SGSM2: variants seen among roughly 807,000 people sequenced by gnomAD.
The protein encoded by SGSM2 is RUN and TBC1 domain containing 1.
Under a neutral mutation model 126.6 loss-of-function variants are expected in SGSM2, and 89 were observed. That is an observed-to-expected ratio of 0.70 (90% CI 0.59 to 0.84). The LOEUF (loss-of-function observed/expected upper bound fraction) is 0.84. Ranked by LOEUF, SGSM2 falls within the 40% of genes least tolerant of loss-of-function variation. SGSM2 has a pLI of 0.00. For synonymous variants in SGSM2, 614 were observed against 574.3 expected (o/e 1.07, Z -0.99); for missense variants, 1,404 against 1,416.6 (o/e 0.99, Z 0.14).
rs1447078645 is a variant in SGSM2, at chr17:2,337,794, G to C, written c.57+49G>C. The stretch of plus-strand genomic sequence containing the variant: ...GGGGGCTCGCGCCCTGGCCCGCGCG[G>C]CCCAGGGGGCAGAAAGGTCCGCGCC... On this transcript the variant is annotated intron_variant, in intron 1 of 23. Coordinates refer to ENST00000268989, the MANE Select transcript of SGSM2 (RefSeq NM_014853.3). The surrounding 1 kb of genome is among the most constrained non-coding windows in gnomAD (Gnocchi z 5.1). The C allele has an allele frequency of 4.9e-6, 7 of 1,420,346 alleles. No individual in the cohort carries two copies. The African/African-American group carries it at 1.0e-4, about 21-fold the overall frequency. 88.0% of individuals were successfully genotyped at this position (1,420,346 alleles called of 1,614,324 possible). A position where few individuals can be genotyped will look rare whatever the true frequency, so the allele number is the denominator to read the frequency against.
intron 2 of SGSM2, among the ~76,000 whole-genome samples, chr17:2,350,173 CGGT>C (rs1567807610): frequency 6.6e-6 from 1 of 151,824 alleles, no homozygotes; most frequent in Non-Finnish European, 1.5e-5. Context: ...CCACCTGCCT[CGGT>C]CTCCCAAAGT....
At chr17:2,342,182 C>T (rs1380085261) in intron 1 of SGSM2, among the ~76,000 whole-genome samples, 2 of 150,316 alleles carry the variant, frequency 1.3e-5, no homozygotes, top group African/African-American at 2.5e-5. Flanking sequence ...TTTGGGAGGC[C>T]AACGCGGGTG....
chr17:2,343,761 CCT>C, intron 2 of SGSM2, 141 bp downstream of exon 2: 1 of 680,948 alleles, frequency 1.5e-6, no homozygotes, highest in South Asian at 1.8e-5. Context: ...CTTTTGAAAT[CCT>C]CTTTGGCCCC....
chr17:2,362,203 T>C lies in SGSM2; in HGVS notation c.391T>C (p.Trp131Arg). ...ALSPQALKHV[W>R]VRTALIEKVL... ...CAGCCCTCAGGCCTTGAAACACGTATGGGTACGCACGGCGCTCATCGAGAA... is the reference window on the plus strand; with the variant it reads ...CAGCCCTCAGGCCTTGAAACACGTACGGGTACGCACGGCGCTCATCGAGAA... Residue 131 changes from tryptophan (W) to arginine (R), a missense_variant, in exon 4 of 24, where the codon TGG becomes CGG. Coordinates refer to ENST00000268989, the MANE Select transcript of SGSM2 (RefSeq NM_014853.3). This position sits in a 1 kb window ranked among gnomAD's most constrained non-coding sequence, Gnocchi z 4.9. 1 of 1,613,398 alleles carries C rather than the reference T, an allele frequency of 6.2e-7. No individual in the cohort carries two copies.
chr17:2,371,894 G>A (rs11657239), intron 13 of SGSM2: 29,557 of 480,342 alleles, frequency 0.062, 1,697 homozygotes, highest in African/African-American at 0.19. Flanking sequence ...TATTAATCCT[G>A]ATGATCCTCC....
At chr17:2,340,615 C>T (rs138688429) in intron 1 of SGSM2, among the ~76,000 whole-genome samples, 2,734 of 149,312 alleles carry the variant, frequency 0.018, 101 homozygotes, top group African/African-American at 0.064. Context: ...GATGGAGTCT[C>T]GCTCTGTTGC....
rs1444845840 is a variant in SGSM2, at chr17:2,365,286, G to A, written c.1233G>A (p.Gly411=). The A allele has an allele frequency of 4.4e-6, 7 of 1,594,996 alleles. No homozygotes were observed. Among genetic ancestry groups the A allele is most frequent in the East Asian group, 2.3e-5 (1 of 43,680 alleles). ...TGGATATGGAGGAGATGGGCACGGG[G>A]CGGGCCACCGACTATGTGTTCCGGA... ...RSVDMEEMGT[G]RATDYVFRII... is the part of the protein sequence containing the mutation. The change falls in exon 11 of 24, where the codon GGG becomes GGA. Residue 411 remains glycine, a synonymous_variant. Transcript: ENST00000268989.
chr17:2,375,365 T>G, intron 17 of SGSM2, 127 bp from the exon 18 acceptor site: 1 of 1,255,682 alleles, frequency 8.0e-7, no homozygotes, highest in Non-Finnish European at 1.1e-6. Context: ...GGCCACAGTG[T>G]TGGAGGCTGT....
In SGSM2 at chr17:2,373,034, C is replaced by T. The variant is rs1192969193; in HGVS notation, c.1870C>T (p.Leu624=). 5 of 1,607,434 alleles carry T rather than the reference C, an allele frequency of 3.1e-6. No individual in the cohort carries two copies. The highest frequency in any genetic ancestry group is 4.2e-6 in the Non-Finnish European group (5 of 1,177,424). Residue 624 remains leucine, a synonymous_variant, in exon 16 of 24, where the codon CTG becomes TTG. Transcript: ENST00000268989. The stretch of plus-strand genomic sequence containing the variant: ...GATCCGCAAGGACGTCTGGCCCTTT[C>T]TGCTTGGCCACTACAAGTTCGGCAT... ...HEIRKDVWPF[L]LGHYKFGMSK... is the part of the protein sequence containing the mutation.
Position 2,337,622 on chromosome 17 carries a change from G to T in SGSM2, c.-67G>T. On this transcript the variant is annotated 5_prime_UTR_variant, in exon 1 of 24. Transcript: ENST00000268989. The surrounding 1 kb of genome is among the most constrained non-coding windows in gnomAD (Gnocchi z 5.1). ...CGCCTTGCGCGTGGGGCGCTGAGCCGAGAGGCGCGGAGGCGGCGAGGGCGC... is the reference window on the plus strand; with the variant it reads ...CGCCTTGCGCGTGGGGCGCTGAGCCTAGAGGCGCGGAGGCGGCGAGGGCGC... The T allele has an allele frequency of 2.5e-6, 3 of 1,216,360 alleles. No homozygotes were observed. Among genetic ancestry groups the T allele is most frequent in the Non-Finnish European group, 3.2e-6 (3 of 932,332 alleles). 75.3% of individuals were successfully genotyped at this position (1,216,360 alleles called of 1,614,324 possible).
rs200724077 is a variant in SGSM2, at chr17:2,376,938, T to A, written c.2693-21T>A. On this transcript the variant is annotated intron_variant, in intron 20 of 23. Coordinates refer to ENST00000268989, the MANE Select transcript of SGSM2 (RefSeq NM_014853.3). The stretch of plus-strand genomic sequence containing the variant: ...CCCCTGCGTCTCCTGCCCTGCCAGC[T>A]TCACTCCTGTCTCCCCTCAGATCAG... 88 of 1,608,816 alleles carry A rather than the reference T, an allele frequency of 5.5e-5. No homozygotes were observed. In the East Asian group the frequency reaches 1.6e-3, roughly 29 times the overall value.
In SGSM2 at chr17:2,367,326, T is replaced by C; in HGVS notation, c.1344T>C (p.Asp448=). ...AASRAASVDD[D]EEEEDKLHAM... is the part of the protein sequence containing the mutation. ...GCCGCGCGGCCTCGGTGGACGATGA[T>C]GAGGAAGAGGAGGATAAACTGCACG... Residue 448 remains aspartate (D), a synonymous_variant, in exon 12 of 24, where the codon GAT becomes GAC. Coordinates refer to ENST00000268989, the MANE Select transcript of SGSM2 (RefSeq NM_014853.3). The surrounding 1 kb of genome is among the most constrained non-coding windows in gnomAD (Gnocchi z 4.0). 1.2e-6 allele frequency: 2 copies of C among 1,614,090 alleles called. No homozygotes were observed. Among genetic ancestry groups the C allele is most frequent in the Non-Finnish European group, 1.7e-6 (2 of 1,179,994 alleles).
chr17:2,364,059 AAGG>A lies in SGSM2; in HGVS notation c.813_815del (p.Glu271del), dbSNP rs1567825840. ...GGTCTTCCGGTGTCTCCCGCTGTAGAAGGAGGATATGGAGGCGGTCCCTGGCTA... is the reference window on the plus strand; with the variant it reads ...GGTCTTCCGGTGTCTCCCGCTGTAGAAGGATATGGAGGCGGTCCCTGGCTA... On this transcript the variant is annotated inframe_deletion and splice_region_variant, in exon 8 of 24. Transcript: ENST00000268989. The A allele has an allele frequency of 1.2e-6, 2 of 1,613,864 alleles. No individual in the cohort carries two copies. Among genetic ancestry groups the A allele is most frequent in the Non-Finnish European group, 1.7e-6 (2 of 1,179,958 alleles).
chr17:2,368,003 A>G (rs1273752173), intron 12 of SGSM2, among the ~76,000 whole-genome samples: 2 of 152,172 alleles, frequency 1.3e-5, no homozygotes, highest in African/African-American at 4.8e-5. Context: ...GTGTCCAGGA[A>G]GGGGCCAGGC....
rs537157078 is a variant in SGSM2, at chr17:2,364,361, G to A, written c.932+178G>A. The stretch of plus-strand genomic sequence containing the variant: ...CCCAAGCTCTCTAGGACGGAGCCAA[G>A]CCTGGCCGTGAAGAGGTTTGTCTGA... On this transcript the variant is annotated intron_variant, in intron 8 of 23. Transcript: ENST00000268989. The A allele has an allele frequency of 1.9e-5, 17 of 912,196 alleles. No homozygotes were observed. In the South Asian group the frequency reaches 2.8e-4, roughly 15 times the overall value. 56.5% of individuals were successfully genotyped at this position (912,196 alleles called of 1,614,324 possible).
At chr17:2,358,796 C>T (rs2065183181) in intron 2 of SGSM2, among the ~76,000 whole-genome samples, 1 of 151,838 alleles carries the variant, frequency 6.6e-6, no homozygotes, top group Admixed American at 6.6e-5. Flanking sequence ...CTCTCCTAAT[C>T]ATTCTAGAGC....
intron 2 of SGSM2, among the ~76,000 whole-genome samples, chr17:2,353,849 C>T (rs2064977744): frequency 1.3e-5 from 2 of 152,122 alleles, no homozygotes; most frequent in African/African-American, 2.4e-5. Context: ...GAGTCCCACA[C>T]AGGTAACCAC....
intron 22 of SGSM2, 52 bp downstream of exon 22, chr17:2,378,005 C>T: frequency 8.6e-7 from 1 of 1,163,770 alleles, no homozygotes; most frequent in African/African-American, 1.5e-5. Context: ...TGAGAGATCC[C>T]TCTTCCCCCA....
At position 2,375,814 on chromosome 17, in the gene SGSM2, C is replaced by G. The variant is rs147179672; in HGVS notation, c.2423C>G (p.Pro808Arg). ...CCCCAGGATCCCAGCCAGGAGAAGC[C>G]TCAGGCCGGAGAACTGGAGGCCGGA... ...REPQDPSQEK[P>R]QAGELEAGEE... The change falls in exon 18 of 24, where the codon CCT becomes CGT. Residue 808 changes from proline (P) to arginine (R), a missense_variant. Coordinates refer to ENST00000268989, the MANE Select transcript of SGSM2 (RefSeq NM_014853.3). The G allele has an allele frequency of 9.6e-6, 15 of 1,559,628 alleles. No homozygotes were observed. The highest frequency in any genetic ancestry group is 1.3e-5 in the Non-Finnish European group (15 of 1,153,784).
Sources: allele counts gnomAD v4.1 joint callset (sites outside exome capture counted in the v4.1 genomes callset), GRCh38; gene constraint gnomAD v4.1.1; non-coding constraint Gnocchi (gnomAD v3.1); transcripts MANE v1.5; gene names NCBI Gene and HGNC (gene_info 2026-07-23, HGNC 2026-07-21).